Variants in GAPDH observed in about 807,000 individuals in gnomAD.
GAPDH encodes the protein OCAS, p38 component.
A neutral mutation model predicts 31.2 loss-of-function variants in GAPDH; 13 were observed. The ratio of observed to expected loss-of-function variants is 0.42; its 90% CI spans 0.27 to 0.66. The LOEUF is 0.66. Ranked by LOEUF, GAPDH falls within the 30% of genes least tolerant of loss-of-function variation. The probability of loss-of-function intolerance (pLI) is 0.26; values close to 1 mark genes in which losing one functional copy is unlikely to be tolerated. For synonymous variants in GAPDH, 211 were observed against 166.9 expected, an observed-to-expected ratio of 1.26 and a Z score of -2.04; for missense variants, 300 against 443.7, an observed-to-expected ratio of 0.68 and a Z score of 2.91.
Position 6,534,786 on chromosome 12 carries a change from T to C in GAPDH, c.-23-24T>C, listed in dbSNP as rs368616050. On this transcript the variant is annotated intron_variant, in intron 1 of 8. Transcript: ENST00000229239. Reference sequence around the variant, plus strand: ...TGTGTCGGCCGGGGCCACTAGGCGCTCACTGTTCTCTCCCTCCGCGCAGCC... The same window carrying C: ...TGTGTCGGCCGGGGCCACTAGGCGCCCACTGTTCTCTCCCTCCGCGCAGCC... 67 of 1,607,274 alleles carry C rather than the reference T, an allele frequency of 4.2e-5. No individual in the cohort carries two copies. The African/African-American group carries it at 8.5e-4, about 20-fold the overall frequency.
intron 2 of GAPDH, among the ~76,000 whole-genome samples, chr12:6,535,820 C>T (rs980482503): frequency 1.3e-5 from 2 of 152,224 alleles, no homozygotes; most frequent in South Asian, 4.1e-4. Flanking sequence ...TTAAATATAG[C>T]TGCTGACCTT....
chr12:6,534,759 T>C (rs1466737453), intron 1 of GAPDH, 51 bp from the exon 2 acceptor site: 17 of 1,489,686 alleles, frequency 1.1e-5, no homozygotes, highest in Non-Finnish European at 1.6e-5. Context: ...AGGGGAGGCG[T>C]GTGTGTCGGC....
rs764146133 is a variant in GAPDH, at chr12:6,534,819, A to G, written c.-14A>G. 3.7e-6 allele frequency: 6 copies of G among 1,613,374 alleles called. No individual in the cohort carries two copies. The highest frequency in any genetic ancestry group is 1.7e-5 in the Admixed American group (1 of 59,996). On this transcript the variant is annotated 5_prime_UTR_variant, in exon 2 of 9. Coordinates refer to ENST00000229239, the MANE Select transcript of GAPDH (RefSeq NM_002046.7). The stretch of plus-strand genomic sequence containing the variant: ...CTCTCCCTCCGCGCAGCCGAGCCAC[A>G]TCGCTCAGACACCATGGGGAAGGTG...
chr12:6,534,608 G>C, intron 1 of GAPDH, 39 bp downstream of exon 1: 2 of 579,932 alleles, frequency 3.4e-6, no homozygotes, highest in East Asian at 3.1e-5. Flanking sequence ...GGCTAGGGAC[G>C]GCCTGAAGGC....
At position 6,534,828 on chromosome 12, in the gene GAPDH, A is replaced by G; in HGVS notation, c.-5A>G. 6.2e-7 allele frequency: 1 copy of G among 1,613,536 alleles called. No homozygotes were observed. Among genetic ancestry groups the G allele is most frequent in the Non-Finnish European group, 8.5e-7 (1 of 1,179,776 alleles). On this transcript the variant is annotated 5_prime_UTR_variant, in exon 2 of 9. Transcript: ENST00000229239. Reference sequence around the variant, plus strand: ...CGCGCAGCCGAGCCACATCGCTCAGACACCATGGGGAAGGTGAAGGTCGGA... The same window carrying G: ...CGCGCAGCCGAGCCACATCGCTCAGGCACCATGGGGAAGGTGAAGGTCGGA...
In GAPDH at chr12:6,538,264, C is replaced by A; in HGVS notation, c.*94C>A. 1 of 1,012,014 alleles carries A rather than the reference C, an allele frequency of 9.9e-7. No homozygotes were observed. The highest frequency in any genetic ancestry group is 1.3e-5 in the South Asian group (1 of 78,626). The allele number at this position is 1,012,014 out of a possible 1,614,324, so 62.7% of individuals were successfully genotyped here. ...CTGCCACACTCAGTCCCCCACCACA[C>A]TGAATCTCCCCTCCTCACAGTTGCC... On this transcript the variant is annotated 3_prime_UTR_variant, in exon 9 of 9. Coordinates refer to ENST00000229239, the MANE Select transcript of GAPDH (RefSeq NM_002046.7).
intron 2 of GAPDH, chr12:6,535,185 C>CGTGT: frequency 9.2e-7 from 1 of 1,091,160 alleles, no homozygotes. Flanking sequence ...TGCGGGGTCA[C>CGTGT]GTGTCGCAGA....
In GAPDH at chr12:6,537,473, C is replaced by G. The variant is rs536278151; in HGVS notation, c.525+83C>G. The G allele has an allele frequency of 1.9e-6, 3 of 1,585,244 alleles. No homozygotes were observed. The highest frequency in any genetic ancestry group is 1.3e-5 in the African/African-American group (1 of 74,274). On this transcript the variant is annotated intron_variant, in intron 7 of 8. Coordinates refer to ENST00000229239, the MANE Select transcript of GAPDH (RefSeq NM_002046.7). This position sits in a 1 kb window ranked among gnomAD's most constrained non-coding sequence, Gnocchi z 4.9. ...CTCCCTGCCGGGGCTGCGTGCAACC[C>G]TGGGGTTGGGGGTTCTGGGGACTGG...
chr12:6,536,480 C>T lies in GAPDH; in HGVS notation c.30-14C>T, dbSNP rs553547273. The T allele has an allele frequency of 1.6e-5, 25 of 1,602,542 alleles. No homozygotes were observed. Among genetic ancestry groups the T allele is most frequent in the East Asian group, 2.2e-5 (1 of 44,812 alleles). On this transcript the variant is annotated splice_polypyrimidine_tract_variant and intron_variant, in intron 2 of 8. Coordinates refer to ENST00000229239, the MANE Select transcript of GAPDH (RefSeq NM_002046.7). Reference sequence around the variant, plus strand: ...GCCTCCCCTCCTCATGCCTTCTTGCCTCTTGTCTCTTAGATTTGGTCGTAT... The same window carrying T: ...GCCTCCCCTCCTCATGCCTTCTTGCTTCTTGTCTCTTAGATTTGGTCGTAT...
intron 2 of GAPDH, among the ~76,000 whole-genome samples, chr12:6,535,868 C>T (rs1290237446): frequency 6.6e-6 from 1 of 152,304 alleles, no homozygotes; most frequent in Non-Finnish European, 1.5e-5. Context: ...TCTCTCCCAT[C>T]CCTTCTCCCC....
In GAPDH at chr12:6,535,943, A is replaced by G. The variant is rs45623637; in HGVS notation, c.30-551A>G. On this transcript the variant is annotated intron_variant, in intron 2 of 8. Transcript: ENST00000229239. ...GGAAAAGAGCTAGGAAGGACAGGCA[A>G]CTTGGCAAATCAAAGCCCTGGGACT... is the stretch of plus-strand genomic sequence containing the variant. Among the ~76,000 whole-genome samples the G allele has an allele frequency of 2.6e-5, 4 of 152,206 alleles. No individual in the cohort carries two copies. The East Asian group carries it at 7.7e-4, about 29-fold the overall frequency.
At chr12:6,535,872 T>C (rs1311333530) in intron 2 of GAPDH, among the ~76,000 whole-genome samples, 1 of 152,144 alleles carries the variant, frequency 6.6e-6, no homozygotes, top group Non-Finnish European at 1.5e-5. Flanking sequence ...TCCCATCCCT[T>C]CTCCCCACAC....
rs369437337 is a variant in GAPDH, at chr12:6,538,096, T to C, written c.939-5T>C. ...AGGGCCCTGACAACTCTTTTCATCT[T>C]CTAGGTATGACAACGAATTTGGCTA... On this transcript the variant is annotated splice_polypyrimidine_tract_variant and splice_region_variant and intron_variant, in intron 8 of 8. Coordinates refer to ENST00000229239, the MANE Select transcript of GAPDH (RefSeq NM_002046.7). The C allele has an allele frequency of 4.3e-5, 68 of 1,599,978 alleles. No homozygotes were observed. Among genetic ancestry groups the C allele is most frequent in the Non-Finnish European group, 5.3e-5 (63 of 1,179,646 alleles).
Position 6,537,263 on chromosome 12 carries a change from T to C in GAPDH, c.444-46T>C. The C allele has an allele frequency of 1.3e-6, 2 of 1,597,438 alleles. No homozygotes were observed. The highest frequency in any genetic ancestry group is 1.2e-5 in the South Asian group (1 of 86,714). ...GAGAAGCGGCCAGCCTGGCACCCTA[T>C]GGACACGCTCCCCTGACTTGCGCCC... is the stretch of plus-strand genomic sequence containing the variant. On this transcript the variant is annotated intron_variant, in intron 6 of 8. Coordinates refer to ENST00000229239, the MANE Select transcript of GAPDH (RefSeq NM_002046.7). This position sits in a 1 kb window ranked among gnomAD's most constrained non-coding sequence, Gnocchi z 4.9.
At chr12:6,535,413 C>G (rs1022125495) in intron 2 of GAPDH, 19 of 988,376 alleles carry the variant, frequency 1.9e-5, no homozygotes, top group Non-Finnish European at 2.2e-5. Flanking sequence ...TCAGGTGGAG[C>G]GAGGCTAGCT....
In GAPDH at chr12:6,538,024, C is replaced by CT; in HGVS notation, c.938+30dup. 2.5e-6 allele frequency: 4 copies of CT among 1,596,790 alleles called. No homozygotes were observed. In the East Asian group the frequency reaches 9.7e-5, roughly 39 times the overall value. On this transcript the variant is annotated intron_variant, in intron 8 of 8. Coordinates refer to ENST00000229239, the MANE Select transcript of GAPDH (RefSeq NM_002046.7). ...ATGTGGCTGGGGCCAGAGACTGGCTCTTAAAAAGTGCAGGGTCTGGCGCCC... is the reference window on the plus strand; with the variant it reads ...ATGTGGCTGGGGCCAGAGACTGGCTCTTTAAAAAGTGCAGGGTCTGGCGCCC...
intron 2 of GAPDH, chr12:6,535,214 C>T (rs2136067454): frequency 9.1e-7 from 1 of 1,099,276 alleles, no homozygotes; most frequent in Non-Finnish European, 1.1e-6. Flanking sequence ...TCCCCCACGG[C>T]CTCCGGCACC....
At position 6,534,841 on chromosome 12, in the gene GAPDH, G is replaced by T; in HGVS notation, c.9G>T (p.Lys3Asn). Residue 3 changes from lysine (K) to asparagine (N), a missense_variant, in exon 2 of 9, where the codon AAG becomes AAT. By Grantham distance (94) the Lys-to-Asn change is moderately conservative (BLOSUM62 0). Transcript: ENST00000229239. ...CACATCGCTCAGACACCATGGGGAA[G>T]GTGAAGGTCGGAGTCAACGGGTGAG... MG[K>N]VKVGVNGFGR... 6.2e-7 allele frequency: 1 copy of T among 1,613,640 alleles called. No individual in the cohort carries two copies. Among genetic ancestry groups the T allele is most frequent in the Non-Finnish European group, 8.5e-7 (1 of 1,179,788 alleles).
intron 1 of GAPDH, 115 bp downstream of exon 1, chr12:6,534,684 T>A (rs1044781887): frequency 2.3e-6 from 2 of 874,504 alleles, no homozygotes; most frequent in Non-Finnish European, 3.7e-6. Flanking sequence ...GGCCTCCGCA[T>A]TGCAGGGGCG....
Sources: gnomAD v4.1 joint callset for allele counts (sites outside exome capture counted in the v4.1 genomes callset) on GRCh38, gnomAD v4.1.1 for gene constraint, Gnocchi (gnomAD v3.1) non-coding constraint, MANE v1.5 for transcripts, NCBI Gene and HGNC (gene_info 2026-07-23, HGNC 2026-07-21) for gene names.